The following ATG7 variants were observed in gnomAD, a reference collection of about 807,000 sequenced individuals.
ATG7 encodes autophagy related 7.
In ATG7, 70 loss-of-function variants were observed where a neutral mutation model predicts 82.4. The ratio of observed to expected loss-of-function variants is 0.85; its 90% confidence interval spans 0.70 to 1.04. The LOEUF is 1.04. Among genes scored for constraint, ATG7 ranks in the 50% least tolerant of loss-of-function variants. ATG7 has a pLI of 0.00. For synonymous variants in ATG7, 287 were observed against 313.0 expected (o/e 0.92, Z 0.88); for missense variants, 792 against 864.3 (o/e 0.92, Z 1.05).
chr3:11,395,798 G>T (rs980402977), intron 19 of ATG7, among the ~76,000 whole-genome samples: 10 of 151,900 alleles, frequency 6.6e-5, no homozygotes, highest in Admixed American at 6.6e-4. Flanking sequence ...AAATTAGCCG[G>T]GCGTGGTGGT....
At chr3:11,363,107 T>C in intron 17 of ATG7, 179 bp downstream of exon 17, 2 of 575,438 alleles carry the variant, frequency 3.5e-6, no homozygotes, top group African/African-American at 3.8e-5. Context: ...CTTGGCATGT[T>C]TCCTTTGTGG....
At chr3:11,355,796 T>C (rs1033202997) in intron 14 of ATG7, among the ~76,000 whole-genome samples, 1 of 152,216 alleles carries the variant, frequency 6.6e-6, no homozygotes, top group African/African-American at 2.4e-5. Flanking sequence ...CTGTTTCTCA[T>C]GAAATTTAAC....
intron 20 of ATG7, among the ~76,000 whole-genome samples, chr3:11,516,719 A>G (rs946904150): frequency 2.0e-5 from 3 of 152,230 alleles, no homozygotes; most frequent in Non-Finnish European, 2.9e-5. Context: ...CATCCAGACA[A>G]TGAAATATTC....
intron 2 of ATG7, among the ~76,000 whole-genome samples, chr3:11,281,495 G>T (rs1008644160): frequency 6.6e-6 from 1 of 152,140 alleles, no homozygotes; most frequent in African/African-American, 2.4e-5. Flanking sequence ...AAATCAGGCC[G>T]GGTGTGGTGG....
intron 20 of ATG7, among the ~76,000 whole-genome samples, chr3:11,521,794 C>T (rs770054795): frequency 6.6e-5 from 10 of 151,864 alleles, no homozygotes; most frequent in African/African-American, 1.2e-4. Flanking sequence ...CCTTGTGATC[C>T]GCCTGCCTCA....
rs752893563 is a variant in ATG7 at position 11,426,849 on chromosome 3, G to C, written c.2002G>C (p.Val668Leu). The C allele has an allele frequency of 6.2e-7, 1 of 1,611,588 alleles. No individual in the cohort carries two copies. The highest frequency in any genetic ancestry group is 8.5e-7 in the Non-Finnish European group (1 of 1,178,890). The change falls in exon 20 of 21, where the codon GTG becomes CTG. Residue 668 changes from valine (V) to leucine (L), a missense_variant. Transcript: ENST00000693202. ...EREGFNFLAK[V>L]FNSSHSFLED... ...AGAAGGATTTAACTTCCTAGCCAAG[G>C]TGTTTAATTCTTCACATTCCTTCTT... is the stretch of plus-strand genomic sequence containing the variant.
chr3:11,509,581 G>A (rs1033547906), intron 20 of ATG7, among the ~76,000 whole-genome samples: 8 of 152,132 alleles, frequency 5.3e-5, no homozygotes, highest in Non-Finnish European at 1.2e-4. Context: ...AGAGTTTGCT[G>A]AATGAAGAGT....
chr3:11,315,971 G>A (rs1559380056), intron 9 of ATG7, among the ~76,000 whole-genome samples: 3 of 152,106 alleles, frequency 2.0e-5, no homozygotes, highest in Admixed American at 6.5e-5. Context: ...GACCTGCTTC[G>A]GCCTCCCAAA....
At chr3:11,547,086 C>T (rs992747557) in intron 20 of ATG7, among the ~76,000 whole-genome samples, 10 of 152,334 alleles carry the variant, frequency 6.6e-5, no homozygotes, top group African/African-American at 2.4e-4. Flanking sequence ...ATTTGCGTGA[C>T]AGGCGGTGAA....
chr3:11,539,990 T>C (rs889953417), intron 20 of ATG7, among the ~76,000 whole-genome samples: 4 of 152,282 alleles, frequency 2.6e-5, no homozygotes, highest in Non-Finnish European at 5.9e-5. Flanking sequence ...GTTCTTGGGT[T>C]GTTTCTAGTT....
intron 19 of ATG7, among the ~76,000 whole-genome samples, chr3:11,396,542 C>A (rs1009662082): frequency 6.6e-6 from 1 of 151,650 alleles, no homozygotes; most frequent in African/African-American, 2.4e-5. Flanking sequence ...AATTTAAGGC[C>A]GAGGTGGGCG....
At chr3:11,475,146 A>G (rs1293740312) in intron 20 of ATG7, among the ~76,000 whole-genome samples, 2 of 151,836 alleles carry the variant, frequency 1.3e-5, no homozygotes, top group Non-Finnish European at 2.9e-5. Flanking sequence ...TGTTATTGTT[A>G]TTGACATCAT....
rs1399392992 is a variant in ATG7, at chr3:11,415,823, G to A, written c.1957-10981G>A. Among the ~76,000 whole-genome samples the A allele has an allele frequency of 2.0e-5, 3 of 151,208 alleles. No homozygotes were observed. In the East Asian group the frequency reaches 5.8e-4, roughly 29 times the overall value. On this transcript the variant is annotated intron_variant, in intron 19 of 20. Transcript: ENST00000693202. ...TGCTAAAATAATGCTAACATGTATA[G>A]TATAGTAAATATATAAACATAACAT... is the stretch of plus-strand genomic sequence containing the variant.
the ATG7 span, among the ~76,000 whole-genome samples, chr3:11,567,004 C>T: frequency 6.6e-6 from 1 of 152,106 alleles, no homozygotes; most frequent in African/African-American, 2.4e-5. Flanking sequence ...CAACTGGAGG[C>T]GCATTCAAGC....
At chr3:11,388,054 C>T (rs1575957413) in intron 19 of ATG7, among the ~76,000 whole-genome samples, 1 of 152,122 alleles carries the variant, frequency 6.6e-6, no homozygotes, top group South Asian at 2.1e-4. Flanking sequence ...AGCACCATTG[C>T]TCTATGAGTG....
intron 9 of ATG7, among the ~76,000 whole-genome samples, chr3:11,318,330 CT>C (rs1949729420): frequency 6.6e-6 from 1 of 152,182 alleles, no homozygotes; most frequent in Admixed American, 6.5e-5. Flanking sequence ...CACCTAAGGT[CT>C]TCTAGAGGAG....
At chr3:11,539,227 C>G (rs2070620213) in intron 20 of ATG7, among the ~76,000 whole-genome samples, 1 of 152,148 alleles carries the variant, frequency 6.6e-6, no homozygotes, top group Admixed American at 6.5e-5. Flanking sequence ...ATGGTCACAA[C>G]AGCCCTACGA....
At chr3:11,414,748 T>G (rs35178049) in intron 19 of ATG7, among the ~76,000 whole-genome samples, 29,098 of 152,192 alleles carry the variant, frequency 0.19, 2,924 homozygotes, top group South Asian at 0.35. Context: ...GTTCCTAGTT[T>G]ACTGAGAGTT....
chr3:11,544,493 C>T (rs1176048140), intron 20 of ATG7, among the ~76,000 whole-genome samples: 2 of 152,232 alleles, frequency 1.3e-5, no homozygotes, highest in African/African-American at 4.8e-5. Context: ...GCCTCTGGCC[C>T]AGAGCCAACC....
Sources: gnomAD v4.1 joint callset for allele counts (sites outside exome capture counted in the v4.1 genomes callset) on GRCh38, gnomAD v4.1.1 for gene constraint, MANE v1.5 for transcripts, NCBI Gene and HGNC (gene_info 2026-07-23, HGNC 2026-07-21) for gene names.